The following HERC1 variants were observed in gnomAD, a reference collection of about 807,000 sequenced individuals.
HERC1 encodes the protein probable E3 ubiquitin-protein ligase HERC1.
A neutral mutation model predicts 554.3 loss-of-function variants in HERC1; 160 were observed. That is an observed-to-expected ratio of 0.29 (90% CI 0.25 to 0.33). The LOEUF is 0.33. Among genes scored for constraint, HERC1 ranks in the 10% least tolerant of loss-of-function variants. The pLI is 1.00. For synonymous variants in HERC1, 2,175 were observed against 2,131.7 expected (o/e 1.02, Z -0.56); for missense variants, 4,919 against 5,918.5 (o/e 0.83, Z 5.54).
At chr15:63,638,686 T>C (rs762008378) in intron 62 of HERC1, 25 bp downstream of exon 62, 13 of 1,601,454 alleles carry the variant, frequency 8.1e-6, no homozygotes, top group East Asian at 2.2e-5. Context: ...AGAACCATCA[T>C]ACAGTTATCT....
chr15:63,757,106 A>G (rs556092370), intron 4 of HERC1, among the ~76,000 whole-genome samples: 1 of 152,232 alleles, frequency 6.6e-6, no homozygotes, highest in Admixed American at 6.5e-5. Context: ...CAAGAACCAT[A>G]TAAAATGTAT....
At chr15:63,826,671 T>C (rs2077913892) in intron 1 of HERC1, among the ~76,000 whole-genome samples, 1 of 149,594 alleles carries the variant, frequency 6.7e-6, no homozygotes. Context: ...GCAGTATTAG[T>C]GGACAATGTA....
chr15:63,647,682 A>C (rs1033357876), intron 55 of HERC1, among the ~76,000 whole-genome samples: 4 of 152,248 alleles, frequency 2.6e-5, no homozygotes, highest in Non-Finnish European at 5.9e-5. Context: ...AAAAGAATGA[A>C]ATCAGGTATT....
intron 53 of HERC1, 62 bp downstream of exon 53, chr15:63,651,191 A>G: frequency 6.7e-7 from 1 of 1,491,372 alleles, no homozygotes; most frequent in Non-Finnish European, 9.2e-7. Flanking sequence ...GACTCAGAAG[A>G]CTAAGAAGAA....
intron 1 of HERC1, among the ~76,000 whole-genome samples, chr15:63,822,935 TGGTCC>T (rs1345395810): frequency 6.6e-6 from 1 of 152,234 alleles, no homozygotes; most frequent in Non-Finnish European, 1.5e-5. Flanking sequence ...ACTAGTTGAA[TGGTCC>T]TGCCATTTAT....
Position 63,666,107 on chromosome 15 carries a change from G to A in HERC1, c.8367C>T (p.Ala2789=), listed in dbSNP as rs780074352. 12 of 1,613,790 alleles carry A rather than the reference G, an allele frequency of 7.4e-6. No homozygotes were observed. Among genetic ancestry groups the A allele is most frequent in the Non-Finnish European group, 9.3e-6 (11 of 1,179,850 alleles). The part of the protein sequence containing the change: ...EADAQNITVL[A]MWMIEHPGHE... ...GCCCAGGGTGCTCTATCATCCACAT[G>A]GCAAGGACAGTGATATTCTGGGCAT... Residue 2789 remains alanine (A), a synonymous_variant, in exon 42 of 78, where the codon GCC becomes GCT. Coordinates refer to ENST00000443617, the MANE Select transcript of HERC1 (RefSeq NM_003922.4).
At chr15:63,662,092 T>C (rs1438726455) in intron 44 of HERC1, 71 bp from the exon 45 acceptor site, 1 of 1,399,760 alleles carries the variant, frequency 7.1e-7, no homozygotes, top group Non-Finnish European at 9.7e-7. Flanking sequence ...AAGTAGATTA[T>C]TTATATTAAA....
In HERC1 at chr15:63,756,448, G is replaced by C; in HGVS notation, c.1522C>G (p.Leu508Val). The change falls in exon 5 of 78, where the codon CTA (leucine) becomes GTA (valine). Residue 508 changes from leucine to valine, a missense_variant. Coordinates refer to ENST00000443617, the MANE Select transcript of HERC1 (RefSeq NM_003922.4). The surrounding 1 kb of genome is among the most constrained non-coding windows in gnomAD (Gnocchi z 5.0). ...AAGAATGCACATACCTTTCCTTGTA[G>C]AGGTCCCTGAATAAGCTTGGGATAT... ...QKYPKLIQGP[L>V]QGKVVVCVSA... 2 of 1,611,512 alleles carry C rather than the reference G, an allele frequency of 1.2e-6. No homozygotes were observed. The highest frequency in any genetic ancestry group is 1.1e-5 in the South Asian group (1 of 90,728).
At chr15:63,822,833 A>G (rs2077751714) in intron 1 of HERC1, among the ~76,000 whole-genome samples, 2 of 152,150 alleles carry the variant, frequency 1.3e-5, no homozygotes, top group Non-Finnish European at 2.9e-5. Flanking sequence ...ATGTATTCAG[A>G]AAATAGAGCC....
intron 48 of HERC1, among the ~76,000 whole-genome samples, chr15:63,657,961 T>C (rs995577200): frequency 2.6e-5 from 4 of 152,320 alleles, no homozygotes; most frequent in African/African-American, 9.6e-5. Context: ...TTTATATGTA[T>C]GGGTCAGTTT....
intron 7 of HERC1, among the ~76,000 whole-genome samples, chr15:63,753,830 C>T (rs2075329995): frequency 6.6e-6 from 1 of 152,038 alleles, no homozygotes; most frequent in Non-Finnish European, 1.5e-5. Context: ...AATAAAAGAA[C>T]ACTTCAAGCC....
At position 63,608,890 on chromosome 15, in the gene HERC1, TTTGTACAA is replaced by T; in HGVS notation, c.*183_*190del. The stretch of plus-strand genomic sequence containing the variant: ...CTGAGAGCACTTCGTTTTTGTTGTT[TTTGTACAA>T]TCACAGAAAAATAAAAACATCTAAT... On this transcript the variant is annotated 3_prime_UTR_variant, in exon 78 of 78. Transcript: ENST00000443617. 1 of 487,348 alleles carries T rather than the reference TTTGTACAA, an allele frequency of 2.1e-6. No homozygotes were observed. Among genetic ancestry groups the T allele is most frequent in the Non-Finnish European group, 3.3e-6 (1 of 300,040 alleles). 30.2% of individuals were successfully genotyped at this position (487,348 alleles called of 1,614,324 possible). A position where few individuals can be genotyped will look rare whatever the true frequency, so the allele number is the denominator to read the frequency against.
At chr15:63,721,451 G>C (rs942981454) in intron 19 of HERC1, among the ~76,000 whole-genome samples, 8 of 152,120 alleles carry the variant, frequency 5.3e-5, no homozygotes, top group Non-Finnish European at 7.4e-5. Context: ...GTTTGAACTC[G>C]GAAGGCGGAG....
intron 2 of HERC1, among the ~76,000 whole-genome samples, chr15:63,767,070 C>T (rs914659839): frequency 4.0e-5 from 6 of 151,462 alleles, no homozygotes; most frequent in South Asian, 2.1e-4. Context: ...AGCGCAGTCT[C>T]GGCTCACTGC....
At chr15:63,751,741 A>T (rs1276792321) in intron 8 of HERC1, among the ~76,000 whole-genome samples, 1 of 152,156 alleles carries the variant, frequency 6.6e-6, no homozygotes, top group Non-Finnish European at 1.5e-5. Context: ...ACGCATATAT[A>T]TTTGATTTCA....
chr15:63,712,605 T>C (rs940216327), intron 24 of HERC1, among the ~76,000 whole-genome samples, 170 bp downstream of exon 24: 1 of 152,256 alleles, frequency 6.6e-6, no homozygotes, highest in African/African-American at 2.4e-5. Flanking sequence ...ATTGAAACCA[T>C]TAACACATAT....
chr15:63,785,350 G>T (rs1275217897), intron 1 of HERC1, among the ~76,000 whole-genome samples: 2 of 152,154 alleles, frequency 1.3e-5, no homozygotes, highest in African/African-American at 2.4e-5. Flanking sequence ...GAGCTCAGAA[G>T]TTCAAAGCTG....
intron 62 of HERC1, 84 bp from the exon 63 acceptor site, chr15:63,638,620 G>A (rs2068890691): frequency 6.3e-7 from 1 of 1,594,950 alleles, no homozygotes; most frequent in Admixed American, 1.7e-5. Context: ...GTGCCAGCCT[G>A]TATGGGAGAC....
At chr15:63,625,402 T>G (rs2068259032) in intron 71 of HERC1, among the ~76,000 whole-genome samples, 1 of 152,084 alleles carries the variant, frequency 6.6e-6, no homozygotes, top group Non-Finnish European at 1.5e-5. Flanking sequence ...TGGCAGACTT[T>G]GTAGAAGTGG....
Sources: gnomAD v4.1 joint callset for allele counts (sites outside exome capture counted in the v4.1 genomes callset) on GRCh38, gnomAD v4.1.1 for gene constraint, Gnocchi (gnomAD v3.1) non-coding constraint, MANE v1.5 for transcripts, NCBI Gene and HGNC (gene_info 2026-07-23, HGNC 2026-07-21) for gene names.